The following STK33 variants were observed in gnomAD, a reference collection of about 807,000 sequenced individuals.
STK33 encodes serine/threonine kinase 33.
In STK33, 52 loss-of-function variants were observed where a neutral mutation model predicts 58.0. The ratio of observed to expected loss-of-function variants is 0.90; its 90% CI spans 0.72 to 1.13. The LOEUF is 1.13. STK33 is among the 50% of genes most tolerant of loss of function. The probability of loss-of-function intolerance (pLI) is 0.00; values close to 1 mark genes in which losing one functional copy is unlikely to be tolerated. For missense variants in STK33, 630 were observed against 604.2 expected (o/e 1.04, Z -0.45); for synonymous variants, 215 against 200.1 (o/e 1.07, Z -0.63).
intron 1 of STK33, among the ~76,000 whole-genome samples, chr11:8,522,991 G>A (rs1215107802): frequency 9.9e-5 from 15 of 152,280 alleles, no homozygotes; most frequent in African/African-American, 2.2e-4. Context: ...ACGGGGTTTC[G>A]CCGTGTTGGC....
In STK33 at chr11:8,507,815, T is replaced by C. The variant is rs557272401; in HGVS notation, c.-465-27201A>G. On this transcript the variant is annotated intron_variant, in intron 1 of 15. Coordinates refer to ENST00000687296, the MANE Select transcript of STK33 (RefSeq NM_001352389.2). ...CTATCACAAGGATCGTGCAGTCTAG[T>C]TGAGTATTTCTCAAAAGCTTTTGAC... is the stretch of plus-strand genomic sequence containing the variant. Among the ~76,000 whole-genome samples the C allele has an allele frequency of 6.4e-4, 98 of 152,338 alleles. 1 individual carries two copies. The highest frequency in any genetic ancestry group is 3.4e-3 in the Middle Eastern group (1 of 294).
chr11:8,457,316 A>G, intron 9 of STK33, 25 bp downstream of exon 9: 1 of 1,507,634 alleles, frequency 6.6e-7, no homozygotes, highest in African/African-American at 1.4e-5. Context: ...CATGGGGTCA[A>G]TGAGCTGGAT....
chr11:8,428,343 AG>A (rs1318028709), intron 14 of STK33, among the ~76,000 whole-genome samples: 5 of 152,216 alleles, frequency 3.3e-5, no homozygotes, highest in Non-Finnish European at 7.3e-5. Context: ...AAGAGGAAAA[AG>A]GAAAAACCGG....
Position 8,477,746 on chromosome 11 carries a change from A to G in STK33, c.-260-463T>C, listed in dbSNP as rs185127986. 8.9e-4 allele frequency among the ~76,000 whole-genome samples: 136 copies of G among 152,270 alleles called. 1 individual carries two copies. The highest frequency in any genetic ancestry group is 1.8e-3 in the Non-Finnish European group (121 of 68,016). On this transcript the variant is annotated intron_variant, in intron 2 of 15. Coordinates refer to ENST00000687296, the MANE Select transcript of STK33 (RefSeq NM_001352389.2). ...TCCTTTAATTTTCATCAATTTTTCA[A>G]TAAGTCATTATCATATCACTGACAT...
At chr11:8,502,393 A>T (rs1172771744) in intron 1 of STK33, among the ~76,000 whole-genome samples, 1 of 152,174 alleles carries the variant, frequency 6.6e-6, no homozygotes, top group African/African-American at 2.4e-5. Flanking sequence ...AGGACTCCCT[A>T]TTCAATCAGT....
the STK33 span, among the ~76,000 whole-genome samples, chr11:8,375,625 T>C: frequency 6.6e-6 from 1 of 152,178 alleles, no homozygotes; most frequent in African/African-American, 2.4e-5. Context: ...TTGCAAATTC[T>C]TTCCCTAGAA....
intron 1 of STK33, among the ~76,000 whole-genome samples, chr11:8,575,261 G>C (rs950127760): frequency 6.6e-6 from 1 of 152,152 alleles, no homozygotes; most frequent in Non-Finnish European, 1.5e-5. Flanking sequence ...TACATGCAAA[G>C]GAACTGAAAG....
chr11:8,368,980 C>T, the STK33 span, among the ~76,000 whole-genome samples: 2 of 152,164 alleles, frequency 1.3e-5, no homozygotes, highest in African/African-American at 2.4e-5. Flanking sequence ...TCAGCGTCTG[C>T]GTCCATCTGT....
At chr11:8,563,463 C>T (rs753529509) in intron 1 of STK33, among the ~76,000 whole-genome samples, 6 of 152,100 alleles carry the variant, frequency 3.9e-5, no homozygotes, top group Admixed American at 1.3e-4. Flanking sequence ...AGTGTATGAA[C>T]GTAAGTCTGT....
At chr11:8,574,337 T>C (rs1003449090) in intron 1 of STK33, among the ~76,000 whole-genome samples, 4 of 152,052 alleles carry the variant, frequency 2.6e-5, no homozygotes, top group African/African-American at 9.7e-5. Context: ...GTGCTCAGAG[T>C]CTCCCTGTGT....
chr11:8,584,138 A>G (rs1292188697), intron 1 of STK33, among the ~76,000 whole-genome samples: 4 of 151,828 alleles, frequency 2.6e-5, no homozygotes, highest in Non-Finnish European at 5.9e-5. Flanking sequence ...GAAAGAAAAC[A>G]AAGCTAGTAA....
chr11:8,532,069 G>A (rs1954599842), intron 1 of STK33, among the ~76,000 whole-genome samples: 1 of 152,158 alleles, frequency 6.6e-6, no homozygotes, highest in Admixed American at 6.5e-5. Flanking sequence ...TTAAACCAGG[G>A]ACTTTCCAAT....
At chr11:8,446,621 T>C (rs1945505296) in intron 11 of STK33, among the ~76,000 whole-genome samples, 1 of 152,094 alleles carries the variant, frequency 6.6e-6, no homozygotes, top group Non-Finnish European at 1.5e-5. Context: ...AAAACAGATA[T>C]ATAGACCAAT....
chr11:8,395,615 T>A (rs916607749), intron 15 of STK33, among the ~76,000 whole-genome samples: 1 of 152,208 alleles, frequency 6.6e-6, no homozygotes, highest in Non-Finnish European at 1.5e-5. Context: ...TGAAGATCAT[T>A]CCATGTCAAT....
intron 6 of STK33, among the ~76,000 whole-genome samples, chr11:8,469,087 A>G (rs552835832): frequency 6.6e-6 from 1 of 152,328 alleles, no homozygotes; most frequent in South Asian, 2.1e-4. Flanking sequence ...AGTGGCTGTG[A>G]CAATTTCTAA....
intron 1 of STK33, among the ~76,000 whole-genome samples, chr11:8,485,990 C>T (rs1186176710): frequency 2.6e-5 from 4 of 152,184 alleles, no homozygotes; most frequent in African/African-American, 9.6e-5. Flanking sequence ...ATTTCTAAAA[C>T]ACTTCTCAAA....
At chr11:8,406,271 G>C (rs1387294999) in intron 15 of STK33, among the ~76,000 whole-genome samples, 1 of 150,904 alleles carries the variant, frequency 6.6e-6, no homozygotes, top group Non-Finnish European at 1.5e-5. Context: ...ATTAATTACT[G>C]TATCTATGTA....
intron 14 of STK33, among the ~76,000 whole-genome samples, chr11:8,423,023 G>C (rs991398250): frequency 6.7e-6 from 1 of 148,998 alleles, no homozygotes; most frequent in Non-Finnish European, 1.5e-5. Context: ...TAAATTTTTT[G>C]TAGGGACAGG....
At chr11:8,573,038 G>C (rs1295209670) in intron 1 of STK33, among the ~76,000 whole-genome samples, 1 of 151,834 alleles carries the variant, frequency 6.6e-6, no homozygotes, top group Non-Finnish European at 1.5e-5. Flanking sequence ...GATCCAAGAA[G>C]TTCAACAAAC....
Sources: gnomAD v4.1 joint callset for allele counts (sites outside exome capture counted in the v4.1 genomes callset) on GRCh38, gnomAD v4.1.1 for gene constraint, MANE v1.5 for transcripts, NCBI Gene and HGNC (gene_info 2026-07-23, HGNC 2026-07-21) for gene names.